SLC44A5: variants seen among roughly 807,000 people sequenced by gnomAD.
SLC44A5 encodes choline transporter-like protein 5.
Under a neutral mutation model 101.8 loss-of-function variants are expected in SLC44A5, and 57 were observed. That is an observed-to-expected ratio of 0.56 (90% CI 0.45 to 0.70). The LOEUF is 0.70. Among genes scored for constraint, SLC44A5 ranks in the 30% least tolerant of loss-of-function variants. The pLI, the probability that SLC44A5 is intolerant of heterozygous loss-of-function variation, is 0.00. For synonymous variants in SLC44A5, 281 were observed against 290.9 expected, an observed-to-expected ratio of 0.97 and a Z score of 0.35; for missense variants, 737 against 853.1, an observed-to-expected ratio of 0.86 and a Z score of 1.70.
intron 3 of SLC44A5, among the ~76,000 whole-genome samples, chr1:75,368,176 A>C (rs998372051): frequency 1.3e-5 from 2 of 152,176 alleles, no homozygotes; most frequent in Non-Finnish European, 2.9e-5. Flanking sequence ...CAACCAATTA[A>C]AAAAACACTC....
chr1:75,615,095 T>C (rs1675811711), upstream of SLC44A5, among the ~76,000 whole-genome samples: 1 of 152,072 alleles, frequency 6.6e-6, no homozygotes, highest in Non-Finnish European at 1.5e-5. Flanking sequence ...AGCTCTTCCT[T>C]GTCCTCCCCG....
At chr1:75,591,276 A>C (rs184276799) in intron 1 of SLC44A5, among the ~76,000 whole-genome samples, 1 of 152,298 alleles carries the variant, frequency 6.6e-6, no homozygotes, top group East Asian at 1.9e-4. Flanking sequence ...AAGGAAGACA[A>C]GAAGGAAGAA....
At chr1:75,496,728 A>G (rs960782412) in intron 2 of SLC44A5, among the ~76,000 whole-genome samples, 5 of 152,206 alleles carry the variant, frequency 3.3e-5, no homozygotes, top group Admixed American at 2.6e-4. Flanking sequence ...TCCAAACCAT[A>G]TATCTAATAA....
At chr1:75,677,583 C>G in the SLC44A5 span, 1 of 284,680 alleles carries the variant, frequency 3.5e-6, no homozygotes, top group African/African-American at 2.4e-5. Context: ...GAAAATGCCA[C>G]AAAACAACTG....
chr1:75,215,317 C>G (rs938759838), intron 19 of SLC44A5, among the ~76,000 whole-genome samples: 1 of 152,064 alleles, frequency 6.6e-6, no homozygotes, highest in African/African-American at 2.4e-5. Context: ...AAAACTCAGT[C>G]AAACATTGTC....
intron 2 of SLC44A5, chr1:75,402,380 T>G (rs1469830876): frequency 2.7e-6 from 1 of 370,134 alleles, no homozygotes; most frequent in Admixed American, 2.9e-5. Context: ...AAATGTTCAC[T>G]ACAAGAGGTG....
At chr1:75,656,901 C>A in the SLC44A5 span, among the ~76,000 whole-genome samples, 2 of 152,188 alleles carry the variant, frequency 1.3e-5, no homozygotes, top group African/African-American at 4.8e-5. Context: ...GTAATCCCAG[C>A]ACTTTGGGAG....
intron 2 of SLC44A5, among the ~76,000 whole-genome samples, chr1:75,537,023 A>G (rs1298941553): frequency 1.7e-4 from 6 of 34,884 alleles, no homozygotes; most frequent in Non-Finnish European, 2.5e-4. Context: ...AAAAAAAAAA[A>G]AAAAAAAAAA....
intron 2 of SLC44A5, among the ~76,000 whole-genome samples, chr1:75,519,777 G>A (rs1670019885): frequency 6.6e-6 from 1 of 152,158 alleles, no homozygotes; most frequent in South Asian, 2.1e-4. Context: ...TAACAACTTT[G>A]CTCTGAGTCA....
At chr1:75,482,569 G>T (rs956067929) in intron 2 of SLC44A5, among the ~76,000 whole-genome samples, 2 of 152,132 alleles carry the variant, frequency 1.3e-5, no homozygotes, top group African/African-American at 4.8e-5. Context: ...TGATGTTTCA[G>T]TTTCCTTGTC....
In SLC44A5 at chr1:75,215,827, T is replaced by A; in HGVS notation, c.1655A>T (p.Gln552Leu). 2 of 1,605,398 alleles carry A rather than the reference T, an allele frequency of 1.2e-6. No homozygotes were observed. Among genetic ancestry groups the A allele is most frequent in the Non-Finnish European group, 1.7e-6 (2 of 1,172,736 alleles). Reference protein sequence around the residue: ...RTQNTLSKFLQCCLRCCFWCL... With the variant: ...RTQNTLSKFLLCCLRCCFWCL... ...CCAGAAGCAGCATCTCAGGCAGCATTGTAGGAATTTAGACAATGTGTTCTG... is the reference window on the plus strand; with the variant it reads ...CCAGAAGCAGCATCTCAGGCAGCATAGTAGGAATTTAGACAATGTGTTCTG... The change falls in exon 19 of 24, where the codon CAA (glutamine) becomes CTA (leucine). Residue 552 changes from glutamine (Q) to leucine (L), a missense_variant. Physicochemically the swap from Gln to Leu is moderately radical, Grantham distance 113. Coordinates refer to ENST00000370859, the MANE Select transcript of SLC44A5 (RefSeq NM_001130058.2).
chr1:75,556,971 T>C (rs1299904298), intron 1 of SLC44A5, among the ~76,000 whole-genome samples: 1 of 152,144 alleles, frequency 6.6e-6, no homozygotes, highest in Non-Finnish European at 1.5e-5. Context: ...ATAAGGGTCA[T>C]ACTGGCTGAA....
chr1:75,435,282 C>A (rs1212305989), intron 2 of SLC44A5, among the ~76,000 whole-genome samples: 2 of 152,118 alleles, frequency 1.3e-5, no homozygotes, highest in African/African-American at 4.8e-5. Flanking sequence ...AACTGAAATA[C>A]GTTAATACCT....
chr1:75,576,376 G>A (rs1673365162), intron 1 of SLC44A5, among the ~76,000 whole-genome samples: 1 of 151,362 alleles, frequency 6.6e-6, no homozygotes, highest in East Asian at 2.0e-4. Flanking sequence ...GTGCAATGGC[G>A]CGATCTCCAC....
chr1:75,402,493 C>A, intron 2 of SLC44A5: 1 of 367,726 alleles, frequency 2.7e-6, no homozygotes, highest in South Asian at 2.0e-5. Context: ...GTACCCTGCT[C>A]ATCTCATAGG....
chr1:75,526,642 G>A (rs1293992771), intron 2 of SLC44A5, among the ~76,000 whole-genome samples: 1 of 152,172 alleles, frequency 6.6e-6, no homozygotes. Flanking sequence ...ATCTTTCTGA[G>A]AGGCTAACAG....
chr1:75,631,439 C>T, the SLC44A5 span, among the ~76,000 whole-genome samples: 1 of 151,838 alleles, frequency 6.6e-6, no homozygotes, highest in African/African-American at 2.4e-5. Flanking sequence ...GCAGCCTAAT[C>T]TCATCTCACT....
At chr1:75,516,593 G>T (rs910028619) in intron 2 of SLC44A5, among the ~76,000 whole-genome samples, 5 of 152,124 alleles carry the variant, frequency 3.3e-5, no homozygotes, top group African/African-American at 1.2e-4. Context: ...TTAAGACTTT[G>T]TTCATTTATA....
intron 18 of SLC44A5, 95 bp downstream of exon 18, chr1:75,217,771 C>T (rs915500284): frequency 2.9e-5 from 23 of 803,460 alleles, no homozygotes; most frequent in South Asian, 4.4e-5. Flanking sequence ...CCCTTTCATC[C>T]TTACTACCCT....
Sources: gnomAD v4.1 joint callset for allele counts (sites outside exome capture counted in the v4.1 genomes callset) on GRCh38, gnomAD v4.1.1 for gene constraint, MANE v1.5 for transcripts, NCBI Gene and HGNC (gene_info 2026-07-23, HGNC 2026-07-21) for gene names.